Variants in DCBLD2 observed in about 807,000 individuals in gnomAD.
DCBLD2 encodes discoidin, CUB and LCCL domain containing 2, also known as discoidin, CUB and LCCL domain-containing protein 2.
A neutral mutation model predicts 86.8 loss-of-function variants in DCBLD2; 54 were observed. The observed-to-expected ratio is 0.62, with a 90% CI of 0.50 to 0.78. The LOEUF is 0.78. DCBLD2 is among the 30% of genes least tolerant of loss of function. The pLI, the probability that DCBLD2 is intolerant of heterozygous loss-of-function variation, is 0.00. For missense variants in DCBLD2, 908 were observed against 954.2 expected, an observed-to-expected ratio of 0.95 and a Z score of 0.64; for synonymous variants, 354 against 341.3, an observed-to-expected ratio of 1.04 and a Z score of -0.41.
chr3:98,862,548 T>A (rs554323104), intron 2 of DCBLD2, among the ~76,000 whole-genome samples: 1 of 152,340 alleles, frequency 6.6e-6, no homozygotes, highest in South Asian at 2.1e-4. Flanking sequence ...ATCTCTGGGA[T>A]GCAAGGCTGG....
chr3:98,801,604 C>T lies in DCBLD2; in HGVS notation c.1716G>A (p.Arg572=), dbSNP rs1559766604. The T allele has an allele frequency of 1.2e-6, 2 of 1,609,688 alleles. No homozygotes were observed. The highest frequency in any genetic ancestry group is 1.7e-5 in the Admixed American group (1 of 59,518). The change falls in exon 14 of 16, where the codon CGG becomes CGA. Residue 572 remains arginine (R), a synonymous_variant. Transcript: ENST00000326840. The part of the protein sequence containing the change: ...EGTYDLPYWD[R]AGWWKGMKQF... ...TGCAAAGACCACGTGAGTTACCTGCCCGGTCCCAGTAAGGTAAGTCATAGG... is the reference window on the plus strand; with the variant it reads ...TGCAAAGACCACGTGAGTTACCTGCTCGGTCCCAGTAAGGTAAGTCATAGG...
Position 98,870,759 on chromosome 3 carries a change from A to AAG in DCBLD2, c.433+10779_433+10780dup, listed in dbSNP as rs1366084026. ...AGAAAAAGAAAGAAAGAAAGAAAGA[A>AAG]AGAAAGAAAGAAAGAAAGAAAGAAA... On this transcript the variant is annotated intron_variant, in intron 2 of 15. Coordinates refer to ENST00000326840, the MANE Select transcript of DCBLD2 (RefSeq NM_080927.4). 1.6e-3 allele frequency among the ~76,000 whole-genome samples: 217 copies of AAG among 137,892 alleles called. 3 individuals are homozygous for AAG. The highest frequency in any genetic ancestry group is 4.6e-3 in the African/African-American group (174 of 37,502). The allele number at this position is 137,892 out of a possible 152,430, so 90.5% of individuals were successfully genotyped here.
At chr3:98,849,722 C>A in intron 2 of DCBLD2, 124 bp from the exon 3 acceptor site, 2 of 1,071,396 alleles carry the variant, frequency 1.9e-6, no homozygotes, top group Non-Finnish European at 2.6e-6. Flanking sequence ...GGAATAATGA[C>A]TAAAATGTTT....
In DCBLD2 at chr3:98,829,370, A is replaced by G. The variant is rs535472966; in HGVS notation, c.572-4004T>C. ...AACTTGTGTCATGGGGGTTTGCTGT[A>G]TCTTTTGTCATCTAGGTACTAAGCC... On this transcript the variant is annotated intron_variant, in intron 3 of 15. Transcript: ENST00000326840. 3.2e-3 allele frequency among the ~76,000 whole-genome samples: 489 copies of G among 152,238 alleles called. 3 individuals carry two copies. Among genetic ancestry groups the G allele is most frequent in the African/African-American group, 8.3e-3 (345 of 41,552 alleles).
Position 98,800,566 on chromosome 3 carries a change from G to T in DCBLD2, c.1858+13C>A, listed in dbSNP as rs1375224724. The T allele has an allele frequency of 6.2e-7, 1 of 1,608,956 alleles. No homozygotes were observed. The highest frequency in any genetic ancestry group is 1.1e-5 in the South Asian group (1 of 90,078). ...TCCCTCTGCCTGGTACCAGAAGGCTGCAACATAGTTACCTGCAGAGTCAGC... is the reference window on the plus strand; with the variant it reads ...TCCCTCTGCCTGGTACCAGAAGGCTTCAACATAGTTACCTGCAGAGTCAGC... On this transcript the variant is annotated intron_variant, in intron 15 of 15. Coordinates refer to ENST00000326840, the MANE Select transcript of DCBLD2 (RefSeq NM_080927.4).
intron 1 of DCBLD2, chr3:98,895,324 T>C (rs115001465): frequency 0.019 from 2,918 of 152,194 alleles, 33 homozygotes; most frequent in Non-Finnish European, 0.027. Flanking sequence ...AAGAGGAAAA[T>C]GCCCCAGCAT....
intron 3 of DCBLD2, among the ~76,000 whole-genome samples, chr3:98,831,361 CTTT>C (rs1406282988): frequency 6.6e-6 from 1 of 152,060 alleles, no homozygotes; most frequent in Non-Finnish European, 1.5e-5. Flanking sequence ...CTTCTCTCTT[CTTT>C]ATTAATCTAG....
At chr3:98,836,595 A>G (rs1384444828) in intron 3 of DCBLD2, among the ~76,000 whole-genome samples, 1 of 148,376 alleles carries the variant, frequency 6.7e-6, no homozygotes. Context: ...GCCCGTTCTC[A>G]ATGAGCTGTT....
intron 6 of DCBLD2, 82 bp downstream of exon 6, chr3:98,822,146 G>C: frequency 1.3e-6 from 2 of 1,497,194 alleles, no homozygotes; most frequent in African/African-American, 1.4e-5. Flanking sequence ...ATACTGCTGA[G>C]ATCTAGCTAG....
chr3:98,850,491 C>T (rs1942816274), intron 2 of DCBLD2, among the ~76,000 whole-genome samples: 1 of 152,052 alleles, frequency 6.6e-6, no homozygotes, highest in African/African-American at 2.4e-5. Flanking sequence ...AATAACATAT[C>T]CTCAGTACAG....
chr3:98,811,244 G>A lies in DCBLD2; in HGVS notation c.1526C>T (p.Thr509Ile). ...AGTATTTCTGATATCAGGACTGGCAGTTGTTTGTTCTGTCTGTGCAGGAAA... is the reference window on the plus strand; with the variant it reads ...AGTATTTCTGATATCAGGACTGGCAATTGTTTGTTCTGTCTGTGCAGGAAA... ...NEFPAQTEQT[T>I]ASPDIRNTTV... Residue 509 changes from threonine (T) to isoleucine (I), a missense_variant, in exon 12 of 16, where the codon ACT becomes ATT. Physicochemically the swap from Thr to Ile is moderately conservative, Grantham distance 89. Transcript: ENST00000326840. 6.2e-7 allele frequency: 1 copy of A among 1,612,298 alleles called. No individual in the cohort carries two copies. The highest frequency in any genetic ancestry group is 8.5e-7 in the Non-Finnish European group (1 of 1,179,286).
chr3:98,823,023 C>T (rs974373451), intron 4 of DCBLD2, among the ~76,000 whole-genome samples: 1 of 152,116 alleles, frequency 6.6e-6, no homozygotes, highest in Non-Finnish European at 1.5e-5. Context: ...CAGGTGCATA[C>T]CACCACACCT....
intron 3 of DCBLD2, among the ~76,000 whole-genome samples, chr3:98,846,093 A>C (rs1285686779): frequency 6.6e-6 from 1 of 152,192 alleles, no homozygotes; most frequent in African/African-American, 2.4e-5. Context: ...CTTGGTGCCA[A>C]GTATAGGGCA....
intron 3 of DCBLD2, among the ~76,000 whole-genome samples, chr3:98,841,559 T>C (rs949334573): frequency 6.6e-6 from 1 of 152,230 alleles, no homozygotes; most frequent in South Asian, 2.1e-4. Flanking sequence ...TATTTTTGAT[T>C]GACAGTGTTG....
At chr3:98,847,518 A>C (rs1046566430) in intron 3 of DCBLD2, among the ~76,000 whole-genome samples, 8 of 152,206 alleles carry the variant, frequency 5.3e-5, no homozygotes, top group African/African-American at 1.7e-4. Flanking sequence ...TAAACTAAGG[A>C]AAGGCAGGTT....
chr3:98,870,654 G>T (rs28826036), intron 2 of DCBLD2, among the ~76,000 whole-genome samples: 2 of 106,950 alleles, frequency 1.9e-5, no homozygotes, highest in Non-Finnish European at 4.1e-5. Context: ...AAGAGATAGA[G>T]AAAGAGAGAG....
intron 3 of DCBLD2, among the ~76,000 whole-genome samples, chr3:98,828,155 T>C (rs939134775): frequency 6.6e-6 from 1 of 152,126 alleles, no homozygotes; most frequent in African/African-American, 2.4e-5. Context: ...GATTAAGCAG[T>C]GATTTCTTAG....
chr3:98,863,211 A>C (rs556179883), intron 2 of DCBLD2, among the ~76,000 whole-genome samples: 3 of 151,776 alleles, frequency 2.0e-5, no homozygotes, highest in Non-Finnish European at 4.4e-5. Flanking sequence ...ACTGCTCAAC[A>C]AAAGAGGTCA....
intron 9 of DCBLD2, among the ~76,000 whole-genome samples, chr3:98,817,558 C>G (rs1278408519): frequency 6.6e-6 from 1 of 152,122 alleles, no homozygotes; most frequent in African/African-American, 2.4e-5. Context: ...CAGAAAAGTA[C>G]TCACCGTTAC....
Sources: allele counts gnomAD v4.1 joint callset (sites outside exome capture counted in the v4.1 genomes callset), GRCh38; gene constraint gnomAD v4.1.1; transcripts MANE v1.5; gene names NCBI Gene and HGNC (gene_info 2026-07-23, HGNC 2026-07-21).